DPP6: variants seen among roughly 807,000 people sequenced by gnomAD.
DPP6 encodes A-type potassium channel modulatory protein DPP6.
Under a neutral mutation model 122.6 loss-of-function variants are expected in DPP6, and 69 were observed. That is an observed-to-expected ratio of 0.56 (90% CI 0.46 to 0.69). The LOEUF (loss-of-function observed/expected upper bound fraction) is 0.69, where lower values mean the gene tolerates loss of function less well. Ranked by LOEUF, DPP6 falls within the 30% of genes least tolerant of loss-of-function variation. The pLI is 0.00. For missense variants in DPP6, 928 were observed against 1,116.9 expected (o/e 0.83, Z 2.41); for synonymous variants, 418 against 433.1 (o/e 0.97, Z 0.43).
At chr7:154,292,863 A>G (rs1319651137) in intron 1 of DPP6, among the ~76,000 whole-genome samples, 3 of 152,188 alleles carry the variant, frequency 2.0e-5, no homozygotes, top group African/African-American at 7.2e-5. Context: ...CCTAAAATAT[A>G]TTTATCCACT....
intron 1 of DPP6, among the ~76,000 whole-genome samples, chr7:154,257,487 G>T (rs956045336): frequency 3.9e-5 from 6 of 152,054 alleles, no homozygotes; most frequent in African/African-American, 1.4e-4. Flanking sequence ...CTGAGGTCAG[G>T]AGTTCAAGAC....
chr7:153,859,526 C>G, the DPP6 span, among the ~76,000 whole-genome samples: 7 of 152,220 alleles, frequency 4.6e-5, no homozygotes, highest in East Asian at 1.2e-3. Flanking sequence ...AGGACAGAAC[C>G]TCTAAGACAA....
chr7:154,388,817 C>G (rs1814353785), intron 1 of DPP6, among the ~76,000 whole-genome samples: 1 of 152,110 alleles, frequency 6.6e-6, no homozygotes, highest in Non-Finnish European at 1.5e-5. Context: ...ATTTCAGGTG[C>G]AGAAAACATA....
intron 7 of DPP6, among the ~76,000 whole-genome samples, chr7:154,714,258 C>G (rs1202966934): frequency 6.6e-6 from 1 of 152,200 alleles, no homozygotes; most frequent in African/African-American, 2.4e-5. Context: ...ATTTTCCTGT[C>G]TTCTTCTGAG....
At chr7:153,787,226 A>G in the DPP6 span, among the ~76,000 whole-genome samples, 4 of 144,582 alleles carry the variant, frequency 2.8e-5, no homozygotes, top group African/African-American at 1.0e-4. Context: ...CTGGGATTAC[A>G]GGCATGAGCC....
intron 7 of DPP6, among the ~76,000 whole-genome samples, chr7:154,671,009 C>A (rs1304792220): frequency 6.6e-6 from 1 of 152,274 alleles, no homozygotes. Context: ...TGAGAGCTGA[C>A]CTTGACCGAG....
At chr7:154,060,610 C>A (rs1232897040) in intron 1 of DPP6, among the ~76,000 whole-genome samples, 16 of 117,564 alleles carry the variant, frequency 1.4e-4, no homozygotes, top group Non-Finnish European at 2.7e-4. Flanking sequence ...TCTTCCCCCC[C>A]CTGGCTCTGA....
At chr7:154,476,118 C>A (rs1822712889) in intron 3 of DPP6, among the ~76,000 whole-genome samples, 3 of 152,226 alleles carry the variant, frequency 2.0e-5, no homozygotes, top group African/African-American at 7.2e-5. Flanking sequence ...TGTTAGTCTC[C>A]TGCTTAGGGG....
At chr7:154,689,700 A>G (rs1419889119) in intron 7 of DPP6, among the ~76,000 whole-genome samples, 1 of 152,234 alleles carries the variant, frequency 6.6e-6, no homozygotes, top group Non-Finnish European at 1.5e-5. Context: ...CTATGCAACT[A>G]TAAAGCCATA....
the DPP6 span, among the ~76,000 whole-genome samples, chr7:153,761,605 A>G: frequency 6.6e-6 from 1 of 152,082 alleles, no homozygotes; most frequent in Non-Finnish European, 1.5e-5. Flanking sequence ...GACTGAGGAA[A>G]TTGTGCTACA....
chr7:154,562,640 A>G (rs1830494277), intron 4 of DPP6, among the ~76,000 whole-genome samples: 1 of 152,200 alleles, frequency 6.6e-6, no homozygotes, highest in Non-Finnish European at 1.5e-5. Flanking sequence ...TAGATAGAAA[A>G]GAAAGGAAAT....
intron 8 of DPP6, 145 bp downstream of exon 8, chr7:154,728,032 G>A (rs1842153728): frequency 2.2e-6 from 3 of 1,386,716 alleles, no homozygotes; most frequent in Admixed American, 2.8e-5. Context: ...AAAAGATTTT[G>A]TTAGAGCTTT....
intron 1 of DPP6, among the ~76,000 whole-genome samples, chr7:154,140,771 G>A (rs11982931): frequency 1.5e-3 from 228 of 152,246 alleles, no homozygotes; most frequent in African/African-American, 5.2e-3. Context: ...TAATAACACA[G>A]TGATTAACCA....
chr7:154,258,979 T>C (rs1273080005), intron 1 of DPP6, among the ~76,000 whole-genome samples: 1 of 143,526 alleles, frequency 7.0e-6, no homozygotes, highest in African/African-American at 2.5e-5. Context: ...GAGTAAGAGC[T>C]GAAAAGGCTA....
At chr7:154,836,725 G>A (rs768015871) in intron 16 of DPP6, among the ~76,000 whole-genome samples, 1 of 152,042 alleles carries the variant, frequency 6.6e-6, no homozygotes, top group Admixed American at 6.5e-5. Context: ...ACCTCTTTTC[G>A]AGATGAGTTT....
rs185082856 is a variant in DPP6, at chr7:154,057,275, G to A, written c.243+4212G>A. ...CCTGAACATAAAGGCCTCCCATTTC[G>A]TGGTGGTTGAGAGCCAGCCCCTCTT... On this transcript the variant is annotated intron_variant, in intron 1 of 25. Transcript: ENST00000377770. Among the ~76,000 whole-genome samples the A allele has an allele frequency of 1.3e-4, 19 of 150,920 alleles. 2 individuals carry two copies. The highest frequency in any genetic ancestry group is 7.8e-4 in the East Asian group (4 of 5,154).
intron 1 of DPP6, among the ~76,000 whole-genome samples, chr7:153,925,577 G>A (rs7779540): frequency 0.066 from 9,981 of 151,920 alleles, 350 homozygotes; most frequent in African/African-American, 0.085. Context: ...TATGGTGGAG[G>A]GTCTCTGCAG....
rs1020896049 is a variant in DPP6 at position 154,021,996 on chromosome 7, C to T, written c.51+134262C>T. Among the ~76,000 whole-genome samples the T allele has an allele frequency of 5.9e-4, 90 of 152,278 alleles. 1 individual carries two copies. The Middle Eastern group carries it at 0.014, about 23-fold the overall frequency. ...TGATATCCAGAATTCGCTATCTCAG[C>T]TGTTAAGGCCAACTCAGATCTAAGG... is the stretch of plus-strand genomic sequence containing the variant. On this transcript the variant is annotated intron_variant, in intron 1 of 25. Transcript: ENST00000404039.
chr7:154,512,896 A>G (rs2129828869), intron 3 of DPP6, among the ~76,000 whole-genome samples: 1 of 152,350 alleles, frequency 6.6e-6, no homozygotes, highest in East Asian at 1.9e-4. Flanking sequence ...TCTAGGGACA[A>G]CTGTGGGAGA....
Sources: gnomAD v4.1 joint callset for allele counts (sites outside exome capture counted in the v4.1 genomes callset) on GRCh38, gnomAD v4.1.1 for gene constraint, MANE v1.5 for transcripts, NCBI Gene and HGNC (gene_info 2026-07-23, HGNC 2026-07-21) for gene names.